LINGO2: variants seen among roughly 807,000 people sequenced by gnomAD.
LINGO2 encodes the protein leucine rich repeat and Ig domain containing 2, also known as leucine-rich repeat and immunoglobulin-like domain-containing nogo receptor-interacting protein 2.
In LINGO2, 14 loss-of-function variants were observed where a neutral mutation model predicts 30.6. The observed-to-expected ratio is 0.46, with a 90% CI of 0.30 to 0.72. LINGO2 has a LOEUF of 0.72. LINGO2 is among the 30% of genes least tolerant of loss of function. The pLI, the probability that LINGO2 is intolerant of heterozygous loss-of-function variation, is 0.07. For synonymous variants in LINGO2, 317 were observed against 288.5 expected (o/e 1.10, Z -1.00); for missense variants, 729 against 751.7 (o/e 0.97, Z 0.35).
intron 1 of LINGO2, among the ~76,000 whole-genome samples, chr9:28,496,822 C>G (rs535344948): frequency 1.3e-5 from 2 of 152,090 alleles, no homozygotes; most frequent in Non-Finnish European, 2.9e-5. Flanking sequence ...ATGTTTAGTG[C>G]TTCCTTCAGG....
chr9:28,443,800 T>C (rs887899366), intron 2 of LINGO2, among the ~76,000 whole-genome samples: 4 of 152,118 alleles, frequency 2.6e-5, no homozygotes, highest in African/African-American at 9.7e-5. Context: ...AGCACGTTGA[T>C]GGTGGCAGGA....
chr9:28,296,754 T>C (rs1474795353), intron 3 of LINGO2, among the ~76,000 whole-genome samples: 1 of 152,222 alleles, frequency 6.6e-6, no homozygotes, highest in East Asian at 1.9e-4. Flanking sequence ...AGGAGCGTTA[T>C]GTTGATGCTA....
At chr9:28,277,889 A>G (rs1823183295) in intron 4 of LINGO2, among the ~76,000 whole-genome samples, 1 of 151,990 alleles carries the variant, frequency 6.6e-6, no homozygotes, top group African/African-American at 2.4e-5. Flanking sequence ...GCTTAGTGAG[A>G]AAGGTATGTG....
At chr9:28,014,729 A>C (rs1822740270) in intron 4 of LINGO2, among the ~76,000 whole-genome samples, 6 of 152,108 alleles carry the variant, frequency 3.9e-5, no homozygotes, top group Admixed American at 3.9e-4. Flanking sequence ...CACAAATTAT[A>C]TTTTGTGACT....
chr9:28,742,370 CA>C, the LINGO2 span, among the ~76,000 whole-genome samples: 1 of 151,122 alleles, frequency 6.6e-6, no homozygotes, highest in African/African-American at 2.4e-5. Flanking sequence ...TACTTCTTCA[CA>C]TTGATGTGTC....
chr9:28,764,775 T>C, the LINGO2 span, among the ~76,000 whole-genome samples: 2 of 151,826 alleles, frequency 1.3e-5, no homozygotes, highest in Non-Finnish European at 2.9e-5. Flanking sequence ...CAAAAGATCA[T>C]TAGAAATAAT....
chr9:29,108,450 C>T, the LINGO2 span, among the ~76,000 whole-genome samples: 5 of 152,070 alleles, frequency 3.3e-5, no homozygotes, highest in Admixed American at 6.6e-5. Flanking sequence ...AGCAACTTGC[C>T]TCCAAATACT....
At chr9:28,555,945 GC>G (rs1195525191) in intron 1 of LINGO2, among the ~76,000 whole-genome samples, 10 of 152,030 alleles carry the variant, frequency 6.6e-5, no homozygotes, top group Non-Finnish European at 7.4e-5. Context: ...AAATTCAACA[GC>G]CCTTCATGCT....
intron 3 of LINGO2, among the ~76,000 whole-genome samples, chr9:28,303,983 A>G (rs918238475): frequency 1.3e-5 from 2 of 152,094 alleles, no homozygotes. Context: ...ATGTGTACAT[A>G]TATATTTACA....
chr9:28,541,065 A>G (rs1821673967), intron 1 of LINGO2, among the ~76,000 whole-genome samples: 1 of 152,212 alleles, frequency 6.6e-6, no homozygotes, highest in South Asian at 2.1e-4. Context: ...ACAGAAAGGA[A>G]CAATAGATAA....
chr9:28,968,473 G>A, the LINGO2 span, among the ~76,000 whole-genome samples: 1 of 152,052 alleles, frequency 6.6e-6, no homozygotes, highest in Non-Finnish European at 1.5e-5. Flanking sequence ...TGAAATTAAT[G>A]TTTACTTGTC....
the LINGO2 span, among the ~76,000 whole-genome samples, chr9:28,760,520 C>T: frequency 1.6e-4 from 25 of 151,894 alleles, no homozygotes; most frequent in Non-Finnish European, 2.8e-4. Context: ...TTTTATTTTA[C>T]CATAAGTTAT....
chr9:28,786,360 G>T, the LINGO2 span, among the ~76,000 whole-genome samples: 9 of 152,134 alleles, frequency 5.9e-5, no homozygotes, highest in Non-Finnish European at 1.0e-4. Context: ...TTCACCAGAT[G>T]TAAGTTCAAA....
intron 4 of LINGO2, among the ~76,000 whole-genome samples, chr9:28,174,302 G>T (rs1828682449): frequency 6.6e-6 from 1 of 152,210 alleles, no homozygotes; most frequent in Admixed American, 6.5e-5. Flanking sequence ...AGATTAAGAA[G>T]CAAGCTATGG....
At chr9:28,581,786 A>C (rs1005883780) in intron 1 of LINGO2, among the ~76,000 whole-genome samples, 1 of 151,924 alleles carries the variant, frequency 6.6e-6, no homozygotes, top group African/African-American at 2.4e-5. Flanking sequence ...CTGAATATTA[A>C]ATAATTTTCT....
the LINGO2 span, among the ~76,000 whole-genome samples, chr9:28,929,003 A>G: frequency 6.6e-6 from 1 of 152,342 alleles, no homozygotes; most frequent in Non-Finnish European, 1.5e-5. Flanking sequence ...AATAACTGAG[A>G]GTGGAGACTG....
chr9:28,749,066 A>T, the LINGO2 span, among the ~76,000 whole-genome samples: 2 of 152,018 alleles, frequency 1.3e-5, no homozygotes, highest in Non-Finnish European at 2.9e-5. Flanking sequence ...TTATCTTCAG[A>T]TTTCAAATCA....
At chr9:28,325,692 C>G (rs560852240) in intron 3 of LINGO2, among the ~76,000 whole-genome samples, 1 of 152,078 alleles carries the variant, frequency 6.6e-6, no homozygotes, top group Admixed American at 6.5e-5. Context: ...ATGATTGTGA[C>G]GCCTCCCCAG....
chr9:27,988,439 T>C (rs1821232174), intron 5 of LINGO2, among the ~76,000 whole-genome samples: 1 of 152,056 alleles, frequency 6.6e-6, no homozygotes, highest in South Asian at 2.1e-4. Context: ...TCTTCCACAA[T>C]GGTTGAACTA....
Sources: allele counts gnomAD v4.1 joint callset (sites outside exome capture counted in the v4.1 genomes callset), GRCh38; gene constraint gnomAD v4.1.1; transcripts MANE v1.5; gene names NCBI Gene and HGNC (gene_info 2026-07-23, HGNC 2026-07-21).